The following KLHL22 variants were observed in gnomAD, a reference collection of about 807,000 sequenced individuals.
The protein encoded by KLHL22 is kelch like family member 22.
A neutral mutation model predicts 60.7 loss-of-function variants in KLHL22; 18 were observed. The ratio of observed to expected loss-of-function variants is 0.30; its 90% CI spans 0.20 to 0.44. The LOEUF (loss-of-function observed/expected upper bound fraction) is 0.44, where lower values mean the gene tolerates loss of function less well. Ranked by LOEUF, KLHL22 falls within the 20% of genes least tolerant of loss-of-function variation. The probability of loss-of-function intolerance (pLI) is 1.00; values close to 1 mark genes in which losing one functional copy is unlikely to be tolerated. For synonymous variants in KLHL22, 355 were observed against 354.5 expected (o/e 1.00, Z -0.01); for missense variants, 596 against 852.3 (o/e 0.70, Z 3.74).
chr22:20,492,701 T>G (rs940160885), intron 1 of KLHL22, among the ~76,000 whole-genome samples: 23 of 152,116 alleles, frequency 1.5e-4, no homozygotes, highest in African/African-American at 5.6e-4. Context: ...GTGATTCTCC[T>G]GCCTCAGCCT....
chr22:20,458,144 C>G (rs559448568), intron 4 of KLHL22, 144 bp from the exon 5 acceptor site: 3 of 794,980 alleles, frequency 3.8e-6, no homozygotes, highest in African/African-American at 1.7e-5. Flanking sequence ...CAGTGCACAC[C>G]GATCTACAGC....
At position 20,441,918 on chromosome 22, in the gene KLHL22, A is replaced by G; in HGVS notation, c.*155T>C. The G allele has an allele frequency of 1.5e-6, 1 of 688,134 alleles. No homozygotes were observed. The highest frequency in any genetic ancestry group is 2.2e-6 in the Non-Finnish European group (1 of 451,786). 42.6% of individuals were successfully genotyped at this position (688,134 alleles called of 1,614,324 possible). On this transcript the variant is annotated 3_prime_UTR_variant, in exon 7 of 7. Transcript: ENST00000328879. ...CTGAGATGCCTGCGGCAGGCTGGCC[A>G]AGGGGCTGGTGTGAAGAAAGAGGGC...
chr22:20,477,649 T>C (rs527673441), intron 2 of KLHL22, among the ~76,000 whole-genome samples: 2 of 152,262 alleles, frequency 1.3e-5, no homozygotes, highest in Admixed American at 6.5e-5. Flanking sequence ...GGATCATGAA[T>C]GGAGGGAGGA....
chr22:20,489,852 A>G, intron 1 of KLHL22: 1 of 468,378 alleles, frequency 2.1e-6, no homozygotes, highest in South Asian at 1.6e-5. Context: ...ACTTTCCTTT[A>G]CTGAAATTCT....
intron 2 of KLHL22, among the ~76,000 whole-genome samples, chr22:20,477,261 C>T (rs969569153): frequency 1.3e-5 from 2 of 151,898 alleles, no homozygotes; most frequent in African/African-American, 2.4e-5. Flanking sequence ...CATGGTGGTG[C>T]ACACCTGTAA....
chr22:20,482,843 G>A (rs1183329563), intron 2 of KLHL22: 1 of 1,275,058 alleles, frequency 7.8e-7, no homozygotes, highest in Non-Finnish European at 1.1e-6. Context: ...GGTGTCATTG[G>A]TCTCAGACAC....
chr22:20,470,864 A>G (rs1174663814), intron 3 of KLHL22, among the ~76,000 whole-genome samples: 1 of 145,142 alleles, frequency 6.9e-6, no homozygotes, highest in African/African-American at 2.9e-5. Flanking sequence ...GGATGCGTGC[A>G]TGCATGGATG....
chr22:20,475,354 T>C (rs1601368590), intron 2 of KLHL22: 2 of 152,202 alleles, frequency 1.3e-5, no homozygotes, highest in East Asian at 3.8e-4. Context: ...TTTACTTGCC[T>C]CTGAGTTTTG....
chr22:20,483,034 G>C (rs540683448), intron 2 of KLHL22: 1 of 671,834 alleles, frequency 1.5e-6, no homozygotes, highest in Admixed American at 2.1e-5. Context: ...CCTAGGCCTG[G>C]CACTGTCCCT....
chr22:20,474,438 C>A (rs2053377047), intron 2 of KLHL22, among the ~76,000 whole-genome samples: 1 of 152,146 alleles, frequency 6.6e-6, no homozygotes, highest in South Asian at 2.1e-4. Context: ...GTCGCCCAGG[C>A]TGGAGAGCAA....
At position 20,488,888 on chromosome 22, in the gene KLHL22, T is replaced by C. The variant is rs2053633216; in HGVS notation, c.227+97A>G. 4.3e-6 allele frequency: 5 copies of C among 1,167,998 alleles called. No homozygotes were observed. The Admixed American group carries it at 1.0e-4, about 24-fold the overall frequency. 72.4% of individuals were successfully genotyped at this position (1,167,998 alleles called of 1,614,324 possible). Reference sequence around the variant, plus strand: ...ACAAGGAGTAGGGGAGGCTCTGAGGTGAGCAGGAGACCAGCCACTGTCACC... The same window carrying C: ...ACAAGGAGTAGGGGAGGCTCTGAGGCGAGCAGGAGACCAGCCACTGTCACC... On this transcript the variant is annotated intron_variant, in intron 2 of 6. Coordinates refer to ENST00000328879, the MANE Select transcript of KLHL22 (RefSeq NM_032775.4).
chr22:20,493,993 C>T (rs931652339), intron 1 of KLHL22, among the ~76,000 whole-genome samples: 2 of 150,342 alleles, frequency 1.3e-5, no homozygotes, highest in Non-Finnish European at 2.9e-5. Flanking sequence ...GCAGGAGAAT[C>T]GATTGAACCC....
chr22:20,470,385 C>T (rs1003308766), intron 3 of KLHL22, among the ~76,000 whole-genome samples: 2 of 151,176 alleles, frequency 1.3e-5, no homozygotes, highest in African/African-American at 4.9e-5. Flanking sequence ...CGCAGTGGCT[C>T]ACACCTGTAA....
At chr22:20,474,478 G>A (rs930340143) in intron 2 of KLHL22, among the ~76,000 whole-genome samples, 6 of 152,176 alleles carry the variant, frequency 3.9e-5, no homozygotes, top group East Asian at 3.9e-4. Context: ...TGCAACCTCC[G>A]CCTCCCGGGT....
At chr22:20,443,037 C>A (rs79391591) in intron 6 of KLHL22, among the ~76,000 whole-genome samples, 4 of 152,288 alleles carry the variant, frequency 2.6e-5, no homozygotes, top group African/African-American at 9.6e-5. Flanking sequence ...ATTCAAGAAA[C>A]GCAAAATCAA....
chr22:20,479,503 A>C (rs2053466148), intron 2 of KLHL22, among the ~76,000 whole-genome samples: 1 of 151,474 alleles, frequency 6.6e-6, no homozygotes, highest in African/African-American at 2.4e-5. Context: ...GGAGTTTGAG[A>C]CCAGCCTGGG....
intron 5 of KLHL22, among the ~76,000 whole-genome samples, chr22:20,452,847 C>T (rs2053001312): frequency 6.6e-6 from 1 of 152,186 alleles, no homozygotes; most frequent in South Asian, 2.1e-4. Flanking sequence ...CTGATTACTG[C>T]CCCATTCTTT....
At chr22:20,461,985 C>A (rs62217858) in intron 4 of KLHL22, among the ~76,000 whole-genome samples, 29,957 of 152,020 alleles carry the variant, frequency 0.2, 3,833 homozygotes, top group Non-Finnish European at 0.29. Flanking sequence ...GTAATCTCAG[C>A]CACTCGGGAG....
chr22:20,471,641 A>G, intron 2 of KLHL22, 126 bp from the exon 3 acceptor site: 1 of 942,390 alleles, frequency 1.1e-6, no homozygotes, highest in Non-Finnish European at 1.6e-6. Context: ...GGGCTGACCC[A>G]CTCTGTGCTC....
Sources: gnomAD v4.1 joint callset for allele counts (sites outside exome capture counted in the v4.1 genomes callset) on GRCh38, gnomAD v4.1.1 for gene constraint, MANE v1.5 for transcripts, NCBI Gene and HGNC (gene_info 2026-07-23, HGNC 2026-07-21) for gene names.